The following MEGF10 variants were observed in gnomAD, a reference collection of about 807,000 sequenced individuals.
The protein encoded by MEGF10 is multiple EGF like domains 10, also known as multiple epidermal growth factor-like domains protein 10.
In MEGF10, 86 loss-of-function variants were observed where a neutral mutation model predicts 147.5. That is an observed-to-expected ratio of 0.58 (90% CI 0.49 to 0.70). The LOEUF is 0.70. Among genes scored for constraint, MEGF10 ranks in the 30% least tolerant of loss-of-function variants. The probability of loss-of-function intolerance (pLI) is 0.00; values close to 1 mark genes in which losing one functional copy is unlikely to be tolerated. For missense variants in MEGF10, 1,329 were observed against 1,487.3 expected, an observed-to-expected ratio of 0.89 and a Z score of 1.75; for synonymous variants, 478 against 525.5, an observed-to-expected ratio of 0.91 and a Z score of 1.24.
At chr5:127,453,223 T>C (rs1237695111) in intron 22 of MEGF10, among the ~76,000 whole-genome samples, 2 of 152,218 alleles carry the variant, frequency 1.3e-5, no homozygotes, top group African/African-American at 4.8e-5. Flanking sequence ...TCTTATTGTA[T>C]TGTATTTCAA....
At chr5:127,430,344 AATAATAC>A (rs1765351300) in intron 13 of MEGF10, among the ~76,000 whole-genome samples, 1 of 152,282 alleles carries the variant, frequency 6.6e-6, no homozygotes, top group East Asian at 1.9e-4. Flanking sequence ...GATAAATATA[AATAATAC>A]ACATGTACCC....
intron 4 of MEGF10, among the ~76,000 whole-genome samples, chr5:127,351,302 A>G (rs547998167): frequency 6.6e-6 from 1 of 152,188 alleles, no homozygotes; most frequent in East Asian, 1.9e-4. Context: ...CTTTCCGGAT[A>G]TATTTCCATT....
intron 4 of MEGF10, among the ~76,000 whole-genome samples, chr5:127,343,198 A>G (rs531530670): frequency 2.6e-4 from 39 of 152,322 alleles, no homozygotes; most frequent in African/African-American, 7.9e-4. Flanking sequence ...CCAGTCACCA[A>G]GATAAATTAA....
At chr5:127,442,141 C>T (rs1765778708) in intron 18 of MEGF10, among the ~76,000 whole-genome samples, 1 of 152,150 alleles carries the variant, frequency 6.6e-6, no homozygotes, top group Non-Finnish European at 1.5e-5. Context: ...TGGTTAAGGT[C>T]TTATTAAATA....
At chr5:127,285,657 G>A in the MEGF10 span, among the ~76,000 whole-genome samples, 1 of 151,990 alleles carries the variant, frequency 6.6e-6, no homozygotes, top group South Asian at 2.1e-4. Flanking sequence ...ATTGTTTTCA[G>A]GTGCACATGA....
At chr5:127,349,347 G>A (rs889318001) in intron 4 of MEGF10, among the ~76,000 whole-genome samples, 3 of 151,776 alleles carry the variant, frequency 2.0e-5, no homozygotes, top group African/African-American at 7.3e-5. Flanking sequence ...ATTTTTATAC[G>A]GTAAAAACAC....
chr5:127,378,670 C>T (rs1036488530), intron 5 of MEGF10, among the ~76,000 whole-genome samples: 2 of 152,080 alleles, frequency 1.3e-5, no homozygotes, highest in African/African-American at 4.8e-5. Flanking sequence ...CCATGCAGGT[C>T]CCTACTCTGG....
At chr5:127,280,913 G>T in the MEGF10 span, among the ~76,000 whole-genome samples, 1 of 152,342 alleles carries the variant, frequency 6.6e-6, no homozygotes, top group Non-Finnish European at 1.5e-5. Flanking sequence ...TTCCAAAGGG[G>T]CCTTGGGCAT....
chr5:127,363,934 G>T (rs1762565145), intron 4 of MEGF10, among the ~76,000 whole-genome samples: 1 of 152,158 alleles, frequency 6.6e-6, no homozygotes, highest in Non-Finnish European at 1.5e-5. Flanking sequence ...TGGAACTTCA[G>T]GGATGGGATG....
At chr5:127,339,583 A>G (rs1761601843) in intron 3 of MEGF10, among the ~76,000 whole-genome samples, 1 of 152,146 alleles carries the variant, frequency 6.6e-6, no homozygotes, top group African/African-American at 2.4e-5. Flanking sequence ...CATCTGACTC[A>G]ATTTAGGCTA....
At chr5:127,236,537 C>A in the MEGF10 span, among the ~76,000 whole-genome samples, 2 of 152,196 alleles carry the variant, frequency 1.3e-5, no homozygotes, top group African/African-American at 2.4e-5. Flanking sequence ...TCTCTCTAGA[C>A]TCATCTCCTA....
At chr5:127,270,278 C>T in the MEGF10 span, among the ~76,000 whole-genome samples, 3 of 150,848 alleles carry the variant, frequency 2.0e-5, no homozygotes, top group African/African-American at 7.3e-5. Flanking sequence ...ATTAAAAGAC[C>T]CAGACTGGCA....
At chr5:127,405,413 A>T (rs558172314) in intron 8 of MEGF10, among the ~76,000 whole-genome samples, 1 of 152,152 alleles carries the variant, frequency 6.6e-6, no homozygotes, top group East Asian at 1.9e-4. Flanking sequence ...TCTGCCTGTA[A>T]TTGGATATTT....
At chr5:127,339,082 G>A (rs867059276) in intron 2 of MEGF10, 38 bp from the exon 3 acceptor site, 6 of 1,363,012 alleles carry the variant, frequency 4.4e-6, no homozygotes, top group Middle Eastern at 3.7e-4. Context: ...ATTTAAAAAA[G>A]AGAAATACTG....
intron 14 of MEGF10, 63 bp from the exon 15 acceptor site, chr5:127,434,624 G>T (rs1234513902): frequency 9.4e-6 from 14 of 1,495,050 alleles, no homozygotes; most frequent in Admixed American, 2.1e-5. Flanking sequence ...ACTAGATCCC[G>T]ATCTGGAATG....
intron 5 of MEGF10, among the ~76,000 whole-genome samples, chr5:127,387,983 G>C (rs543667318): frequency 1.3e-5 from 2 of 152,082 alleles, no homozygotes; most frequent in South Asian, 4.2e-4. Context: ...AAGTTATAGC[G>C]CTCTACACTC....
chr5:127,257,307 T>TAAA, the MEGF10 span, among the ~76,000 whole-genome samples: 1,671 of 130,386 alleles, frequency 0.013, 39 homozygotes, highest in East Asian at 0.082. Context: ...TTCTTTTTAT[T>TAAA]AAAAAAAAAA....
chr5:127,244,195 CAA>C, the MEGF10 span, among the ~76,000 whole-genome samples: 2,707 of 70,480 alleles, frequency 0.038, 41 homozygotes, highest in Middle Eastern at 0.14. Context: ...AAACTCTGTC[CAA>C]AAAAAAAAAA....
chr5:127,306,478 C>T (rs143810184), intron 1 of MEGF10, among the ~76,000 whole-genome samples: 2 of 152,288 alleles, frequency 1.3e-5, no homozygotes, highest in Non-Finnish European at 2.9e-5. Context: ...AGTAAAACTC[C>T]AGGTAGAGCA....
Sources: allele counts gnomAD v4.1 joint callset (sites outside exome capture counted in the v4.1 genomes callset), GRCh38; gene constraint gnomAD v4.1.1; transcripts MANE v1.5; gene names NCBI Gene and HGNC (gene_info 2026-07-23, HGNC 2026-07-21).